The following C1QTNF7 variants were observed in gnomAD, a reference collection of about 807,000 sequenced individuals.
C1QTNF7 encodes complement C1q tumor necrosis factor-related protein 7.
C1QTNF7 carries 15 observed loss-of-function variants against 19.6 expected under a neutral mutation model. That is an observed-to-expected ratio of 0.76 (90% CI 0.51 to 1.18). The LOEUF (loss-of-function observed/expected upper bound fraction) is 1.18. Ranked by LOEUF, C1QTNF7 falls within the 50% of genes most tolerant of loss-of-function variation. The pLI, the probability that C1QTNF7 is intolerant of heterozygous loss-of-function variation, is 0.00. For missense variants in C1QTNF7, 324 were observed against 359.7 expected (o/e 0.90, Z 0.80); for synonymous variants, 142 against 137.5 (o/e 1.03, Z -0.23).
chr4:15,356,535 T>C (rs567589571), intron 1 of C1QTNF7, among the ~76,000 whole-genome samples: 2 of 152,336 alleles, frequency 1.3e-5, no homozygotes, highest in South Asian at 4.1e-4. Context: ...TCTTTGCTAT[T>C]GTGAATAGTG....
chr4:15,380,720 A>G (rs945569299), intron 1 of C1QTNF7, among the ~76,000 whole-genome samples: 5 of 151,974 alleles, frequency 3.3e-5, no homozygotes, highest in Non-Finnish European at 7.4e-5. Flanking sequence ...GGATCACTTG[A>G]GGCCAGGCGT....
At chr4:15,341,188 G>A (rs1175396746) in intron 1 of C1QTNF7, among the ~76,000 whole-genome samples, 1 of 152,182 alleles carries the variant, frequency 6.6e-6, no homozygotes, top group Admixed American at 6.5e-5. Flanking sequence ...AAAACCCTGT[G>A]GATTTGACAG....
chr4:15,378,254 A>T (rs1395486605), intron 1 of C1QTNF7, among the ~76,000 whole-genome samples: 1 of 152,232 alleles, frequency 6.6e-6, no homozygotes, highest in Non-Finnish European at 1.5e-5. Context: ...CTGACTAACC[A>T]TGGGACACTA....
chr4:15,353,946 C>A (rs1451885856), intron 1 of C1QTNF7, among the ~76,000 whole-genome samples: 1 of 152,068 alleles, frequency 6.6e-6, no homozygotes, highest in Non-Finnish European at 1.5e-5. Context: ...TATTCTAACC[C>A]TTGAAAATTG....
At chr4:15,393,453 A>C (rs1718660664) in intron 1 of C1QTNF7, among the ~76,000 whole-genome samples, 2 of 152,208 alleles carry the variant, frequency 1.3e-5, no homozygotes, top group African/African-American at 4.8e-5. Flanking sequence ...TAATCACACT[A>C]GAAGCCAAAG....
chr4:15,412,054 A>G (rs1006675891), intron 1 of C1QTNF7, among the ~76,000 whole-genome samples: 2 of 152,086 alleles, frequency 1.3e-5, no homozygotes, highest in Admixed American at 1.3e-4. Flanking sequence ...ATATTCTCAC[A>G]GGAGCGCAAA....
intron 1 of C1QTNF7, among the ~76,000 whole-genome samples, chr4:15,423,029 A>G (rs908643229): frequency 2.0e-5 from 3 of 152,202 alleles, no homozygotes; most frequent in African/African-American, 7.2e-5. Context: ...ATCCACAAGG[A>G]TGGATATTTA....
chr4:15,377,349 A>G (rs1438019309), intron 1 of C1QTNF7, among the ~76,000 whole-genome samples: 1 of 152,128 alleles, frequency 6.6e-6, no homozygotes, highest in East Asian at 1.9e-4. Flanking sequence ...GGCCCATGTC[A>G]TCTGAACTTT....
chr4:15,391,183 G>A (rs536582178), intron 1 of C1QTNF7, among the ~76,000 whole-genome samples: 43 of 151,902 alleles, frequency 2.8e-4, no homozygotes, highest in African/African-American at 9.9e-4. Context: ...TGGTATGACT[G>A]TTGTATGTAT....
intron 1 of C1QTNF7, chr4:15,340,251 A>G (rs750471598): frequency 5.8e-6 from 9 of 1,547,918 alleles, no homozygotes; most frequent in South Asian, 1.2e-5. Flanking sequence ...TTTCCCTCCT[A>G]TTCGGCCTTC....
At chr4:15,366,187 A>C (rs1717516626) in intron 1 of C1QTNF7, among the ~76,000 whole-genome samples, 1 of 152,112 alleles carries the variant, frequency 6.6e-6, no homozygotes. Context: ...TTTGCCTGAG[A>C]CTTTTCTGGT....
chr4:15,390,710 A>C (rs114200055), intron 1 of C1QTNF7, among the ~76,000 whole-genome samples: 2,151 of 152,352 alleles, frequency 0.014, 59 homozygotes, highest in African/African-American at 0.049. Context: ...CAAGCTGGGA[A>C]GAACCCCAAA....
intron 1 of C1QTNF7, among the ~76,000 whole-genome samples, chr4:15,372,488 G>GCCAC (rs1717771958): frequency 6.6e-6 from 1 of 152,164 alleles, no homozygotes; most frequent in South Asian, 2.1e-4. Context: ...TGTTGTTTAT[G>GCCAC]CCACCCAGTC....
At chr4:15,436,032 A>C (rs1354003528) in intron 2 of C1QTNF7, 51 bp downstream of exon 2, 1 of 1,563,510 alleles carries the variant, frequency 6.4e-7, no homozygotes, top group Non-Finnish European at 8.6e-7. Flanking sequence ...CCACCTTAAA[A>C]CTGTTCCCCT....
intron 1 of C1QTNF7, among the ~76,000 whole-genome samples, chr4:15,386,290 C>A (rs1192977380): frequency 2.0e-5 from 3 of 152,164 alleles, no homozygotes; most frequent in African/African-American, 7.2e-5. Flanking sequence ...GAAACTAGCT[C>A]ATTGAAGTCT....
intron 1 of C1QTNF7, among the ~76,000 whole-genome samples, chr4:15,409,934 G>A (rs1719345617): frequency 6.6e-6 from 1 of 152,166 alleles, no homozygotes; most frequent in Non-Finnish European, 1.5e-5. Context: ...TGGAATGAAG[G>A]TTATTGAAAT....
chr4:15,442,047 A>C, intron 2 of C1QTNF7, 121 bp from the exon 3 acceptor site: 1 of 1,035,896 alleles, frequency 9.7e-7, no homozygotes. Flanking sequence ...ATTATTTAGT[A>C]GTACACTGTT....
chr4:15,403,100 A>G (rs1719055471), intron 1 of C1QTNF7, among the ~76,000 whole-genome samples: 1 of 151,950 alleles, frequency 6.6e-6, no homozygotes, highest in African/African-American at 2.4e-5. Context: ...TCAGCTACTT[A>G]GGTGCCTGAA....
intron 1 of C1QTNF7, among the ~76,000 whole-genome samples, chr4:15,398,205 C>T (rs1718860999): frequency 6.6e-6 from 1 of 152,150 alleles, no homozygotes; most frequent in African/African-American, 2.4e-5. Flanking sequence ...AGCTTATAGG[C>T]CATAGCGATG....
Sources: gnomAD v4.1 joint callset for allele counts (sites outside exome capture counted in the v4.1 genomes callset) on GRCh38, gnomAD v4.1.1 for gene constraint, MANE v1.5 for transcripts, NCBI Gene and HGNC (gene_info 2026-07-23, HGNC 2026-07-21) for gene names.